Variants in LAMTOR1 observed in about 807,000 individuals in gnomAD.
The protein encoded by LAMTOR1 is ragulator complex protein LAMTOR1.
In LAMTOR1, 8 loss-of-function variants were observed where a neutral mutation model predicts 20.5. That is an observed-to-expected ratio of 0.39 (90% CI 0.23 to 0.70). The LOEUF is 0.70. Among genes scored for constraint, LAMTOR1 ranks in the 30% least tolerant of loss-of-function variants. LAMTOR1 has a pLI of 0.43. For missense variants in LAMTOR1, 135 were observed against 206.2 expected, an observed-to-expected ratio of 0.65 and a Z score of 2.11; for synonymous variants, 77 against 80.9, an observed-to-expected ratio of 0.95 and a Z score of 0.26.
In LAMTOR1 at chr11:72,099,179, G is replaced by A. The variant is rs773726463; in HGVS notation, c.120C>T (p.Tyr40=). The A allele has an allele frequency of 1.4e-5, 22 of 1,613,512 alleles. No homozygotes were observed. Among genetic ancestry groups the A allele is most frequent in the Non-Finnish European group, 1.9e-5 (22 of 1,179,642 alleles). The change falls in exon 2 of 5, where the codon TAC becomes TAT. Residue 40 remains tyrosine (Y), a synonymous_variant. Coordinates refer to ENST00000278671, the MANE Select transcript of LAMTOR1 (RefSeq NM_017907.3). Reference sequence around the variant, plus strand: ...CAGTGCGAGCGGAAGGCAGGCTGTGGTAGTTGGGCTCGGCTCCATTGAGAG... The same window carrying A: ...CAGTGCGAGCGGAAGGCAGGCTGTGATAGTTGGGCTCGGCTCCATTGAGAG... ...TKALNGAEPN[Y]HSLPSARTDE...
Position 72,099,091 on chromosome 11 carries a change from C to T in LAMTOR1, c.188+20G>A. 1 of 1,613,414 alleles carries T rather than the reference C, an allele frequency of 6.2e-7. No homozygotes were observed. Among genetic ancestry groups the T allele is most frequent in the Non-Finnish European group, 8.5e-7 (1 of 1,179,898 alleles). On this transcript the variant is annotated intron_variant, in intron 2 of 4. Transcript: ENST00000278671. ...ATGGATAGAGGAGCTCTGACCCAGG[C>T]CTGGTCCTCTGACACTTACCTGGCT... is the stretch of plus-strand genomic sequence containing the variant.
intron 4 of LAMTOR1, 27 bp downstream of exon 4, chr11:72,098,262 G>A (rs2135153109): frequency 6.2e-7 from 1 of 1,613,004 alleles, no homozygotes; most frequent in East Asian, 2.2e-5. Flanking sequence ...GAGAAGGGTG[G>A]GCAGGGGCAG....
At position 72,098,350 on chromosome 11, in the gene LAMTOR1, A is replaced by G. The variant is rs1945309918; in HGVS notation, c.332T>C (p.Leu111Pro). 6.2e-7 allele frequency: 1 copy of G among 1,613,224 alleles called. No homozygotes were observed. Among genetic ancestry groups the G allele is most frequent in the Non-Finnish European group, 8.5e-7 (1 of 1,179,808 alleles). The change falls in exon 4 of 5, where the codon CTT (leucine) becomes CCT (proline). Residue 111 changes from leucine (L) to proline (P), a missense_variant. Transcript: ENST00000278671. ...CAGCACTTGGTGGGGCTGGCTGGTA[A>G]GAGACGGCAGCGGTGGCAGCTTCTT... ...HWKKLPPLPS[L>P]TSQPHQVLAS...
intron 3 of LAMTOR1, 90 bp from the exon 4 acceptor site, chr11:72,098,505 A>G (rs1945319123): frequency 6.8e-7 from 1 of 1,463,896 alleles, no homozygotes; most frequent in South Asian, 1.3e-5. Context: ...AGGCCAGAGA[A>G]GCAGGGTGTC....
Position 72,097,712 on chromosome 11 carries a change from GA to G in LAMTOR1, c.*109del. ...CCTCCTTCTTCACATTTTTCTCTGT[GA>G]TTAGTAGCAGGTTAGGGTACTGTAT... On this transcript the variant is annotated 3_prime_UTR_variant, in exon 5 of 5. Coordinates refer to ENST00000278671, the MANE Select transcript of LAMTOR1 (RefSeq NM_017907.3). 1.9e-6 allele frequency: 3 copies of G among 1,570,552 alleles called. No individual in the cohort carries two copies. The highest frequency in any genetic ancestry group is 2.6e-6 in the Non-Finnish European group (3 of 1,156,312).
Position 72,098,726 on chromosome 11 carries a change from G to T in LAMTOR1, c.266+55C>A, listed in dbSNP as rs544617525. The T allele has an allele frequency of 1.2e-5, 15 of 1,296,592 alleles. No individual in the cohort carries two copies. The African/African-American group carries it at 1.6e-4, about 14-fold the overall frequency. 80.3% of individuals were successfully genotyped at this position (1,296,592 alleles called of 1,614,324 possible). A position where few individuals can be genotyped will look rare whatever the true frequency, so the allele number is the denominator to read the frequency against. On this transcript the variant is annotated intron_variant, in intron 3 of 4. Transcript: ENST00000278671. ...GGCCAGGCTCCAAAGCTGGAACAGT[G>T]ATGGAGGGTGGGAGCCCAAGTAGCC...
intron 1 of LAMTOR1, chr11:72,100,860 C>T (rs1945411816): frequency 6.6e-6 from 1 of 152,340 alleles, no homozygotes; most frequent in African/African-American, 2.4e-5. Context: ...TTCCCAACAG[C>T]AAGAGACAGA....
At chr11:72,101,539 G>A (rs1269248966) in intron 1 of LAMTOR1, among the ~76,000 whole-genome samples, 1 of 152,244 alleles carries the variant, frequency 6.6e-6, no homozygotes, top group African/African-American at 2.4e-5. Context: ...TAATATGACG[G>A]ATGTCTGGCA....
At chr11:72,103,035 T>G (rs1167500192) in intron 1 of LAMTOR1, 148 bp downstream of exon 1, 4 of 1,082,184 alleles carry the variant, frequency 3.7e-6, no homozygotes, top group Non-Finnish European at 2.7e-6. Context: ...GAGCCCGGCT[T>G]GGCGTCTCCT....
intron 1 of LAMTOR1, among the ~76,000 whole-genome samples, chr11:72,100,107 A>C (rs1945384915): frequency 6.6e-6 from 1 of 152,152 alleles, no homozygotes; most frequent in South Asian, 2.1e-4. Context: ...TGCAAAAAAA[A>C]AAAATTAGCT....
intron 1 of LAMTOR1, among the ~76,000 whole-genome samples, chr11:72,102,744 G>A (rs1945490796): frequency 6.6e-6 from 1 of 152,250 alleles, no homozygotes; most frequent in East Asian, 1.9e-4. Context: ...CAACCCCAGG[G>A]ACTAAGACGA....
chr11:72,099,362 T>C (rs1945355659), intron 1 of LAMTOR1, 106 bp from the exon 2 acceptor site: 1 of 1,256,306 alleles, frequency 8.0e-7, no homozygotes. Context: ...AAAATGTTTC[T>C]ATAAGGAATA....
At position 72,097,572 on chromosome 11, in the gene LAMTOR1, G is replaced by T; in HGVS notation, c.*250C>A. ...GTATCTCCACATTCTCAATGACTAT[G>T]AAGACATACCAGGCTCTGTCCTTTT... On this transcript the variant is annotated 3_prime_UTR_variant, in exon 5 of 5. Transcript: ENST00000278671. 1 of 1,314,996 alleles carries T rather than the reference G, an allele frequency of 7.6e-7. No individual in the cohort carries two copies. Among genetic ancestry groups the T allele is most frequent in the Non-Finnish European group, 9.7e-7 (1 of 1,025,846 alleles). 81.5% of individuals were successfully genotyped at this position (1,314,996 alleles called of 1,614,324 possible). A position where few individuals can be genotyped will look rare whatever the true frequency, so the allele number is the denominator to read the frequency against.
intron 1 of LAMTOR1, chr11:72,100,505 C>T (rs1299221103): frequency 6.6e-6 from 1 of 152,262 alleles, no homozygotes; most frequent in Non-Finnish European, 1.5e-5. Flanking sequence ...CAAATCCTTG[C>T]TTGCTGTATC....
chr11:72,099,949 A>G (rs906469601), intron 1 of LAMTOR1, among the ~76,000 whole-genome samples: 1 of 152,138 alleles, frequency 6.6e-6, no homozygotes, highest in Admixed American at 6.5e-5. Flanking sequence ...CTGAGTGTAC[A>G]TGGTGTATCC....
In LAMTOR1 at chr11:72,098,313, G is replaced by GGGCT; in HGVS notation, c.365_368dup (p.Ile124AlafsTer6). ...CCTGCTGCAAATCAGAGAACGGGAT[G>GGGCT]GGCTCACTGGCCAGCACTTGGTGGG... On this transcript the variant is annotated frameshift_variant, in exon 4 of 5. Transcript: ENST00000278671. LOFTEE classifies it high-confidence loss of function. The GGGCT allele has an allele frequency of 6.2e-7, 1 of 1,613,860 alleles. No individual in the cohort carries two copies.
intron 4 of LAMTOR1, 183 bp downstream of exon 4, chr11:72,098,105 AG>A: frequency 3.0e-6 from 3 of 1,007,594 alleles, no homozygotes; most frequent in Non-Finnish European, 4.3e-6. Flanking sequence ...TAAAGGTTGC[AG>A]GAAGGAGATA....
intron 1 of LAMTOR1, 151 bp from the exon 2 acceptor site, chr11:72,099,407 G>T: frequency 2.4e-6 from 2 of 829,922 alleles, no homozygotes. Context: ...TGCCAGATAA[G>T]ACTCAGTTCC....
rs1945341295 is a variant in LAMTOR1 at position 72,099,035 on chromosome 11, G to A, written c.188+76C>T. ...GACCTTGTCCCATCCCCCATGTCCT[G>A]AGCCTGGCTCCTTCTATCCTAGCCT... On this transcript the variant is annotated intron_variant, in intron 2 of 4. Transcript: ENST00000278671. The A allele has an allele frequency of 3.7e-5, 58 of 1,575,140 alleles. No individual in the cohort carries two copies. The South Asian group carries it at 4.9e-4, about 13-fold the overall frequency.
Sources: allele counts gnomAD v4.1 joint callset (sites outside exome capture counted in the v4.1 genomes callset), GRCh38; gene constraint gnomAD v4.1.1; transcripts MANE v1.5; gene names NCBI Gene and HGNC (gene_info 2026-07-23, HGNC 2026-07-21).